Variants in NEB observed in about 807,000 individuals in gnomAD.
The protein encoded by NEB is nemaline myopathy type 2.
A neutral mutation model predicts 952.2 loss-of-function variants in NEB; 512 were observed. The observed-to-expected ratio is 0.54, with a 90% CI of 0.50 to 0.58. The LOEUF is 0.58. Ranked by LOEUF, NEB falls within the 20% of genes least tolerant of loss-of-function variation. The probability of loss-of-function intolerance (pLI) is 0.00; values close to 1 mark genes in which losing one functional copy is unlikely to be tolerated. For synonymous variants in NEB, 2,900 were observed against 3,149.8 expected (o/e 0.92, Z 2.66); for missense variants, 8,428 against 9,231.1 (o/e 0.91, Z 3.56).
chr2:151,563,597 T>C lies in NEB; in HGVS notation c.18693+9A>G. Reference sequence around the variant, plus strand: ...CACAAATCCCGTGTTAAAGTGGACATTTACTTACCGCACTCCTCATCTTTT... The same window carrying C: ...CACAAATCCCGTGTTAAAGTGGACACTTACTTACCGCACTCCTCATCTTTT... On this transcript the variant is annotated intron_variant, in intron 119 of 181. Coordinates refer to ENST00000397345, the MANE Select transcript of NEB (RefSeq NM_001164508.2). The C allele has an allele frequency of 2.5e-6, 4 of 1,607,612 alleles. No homozygotes were observed. Among genetic ancestry groups the C allele is most frequent in the Non-Finnish European group, 3.4e-6 (4 of 1,174,120 alleles).
chr2:151,690,940 T>C, intron 23 of NEB, 115 bp from the exon 24 acceptor site: 2 of 736,100 alleles, frequency 2.7e-6, no homozygotes, highest in Admixed American at 2.1e-5. Flanking sequence ...GAAAACTTAG[T>C]TGATGCGTTT....
rs367593747 is a variant in NEB, at chr2:151,697,552, T to A, written c.1249A>T (p.Ser417Cys). 1 of 1,612,548 alleles carries A rather than the reference T, an allele frequency of 6.2e-7. No homozygotes were observed. Among genetic ancestry groups the A allele is most frequent in the Non-Finnish European group, 8.5e-7 (1 of 1,179,356 alleles). Residue 417 changes from serine (S) to cysteine (C), a missense_variant, in exon 14 of 182, where the codon AGT becomes TGT. Transcript: ENST00000397345. ...ACAGTAGGATTGCTTACATCACTAC[T>A]GAAGTTCTGCAGAACAGTATCGAGC... is the stretch of plus-strand genomic sequence containing the variant. ...FKLDTVLQNF[S>C]SDKKYKDSYL...
chr2:151,617,663 A>C (rs760191580), intron 74 of NEB, among the ~76,000 whole-genome samples, 195 bp from the exon 75 acceptor site: 9 of 152,158 alleles, frequency 5.9e-5, no homozygotes, highest in Non-Finnish European at 1.2e-4. Flanking sequence ...CTTATCGGTT[A>C]TGAAAAGTAT....
chr2:151,507,559 G>A (rs1191649048), intron 162 of NEB, among the ~76,000 whole-genome samples: 2 of 152,158 alleles, frequency 1.3e-5, no homozygotes, highest in African/African-American at 2.4e-5. Flanking sequence ...AACAGCCATC[G>A]CTAAATCCCC....
rs1000813499 is a variant in NEB at position 151,499,020 on chromosome 2, T to G, written c.24114+278A>C. ...TTAAGCTTTAGGTTCAGATCAAATT[T>G]GCCAAAGCAGTATAAATGTGGATGC... On this transcript the variant is annotated intron_variant, in intron 169 of 181. Transcript: ENST00000397345. Among the ~76,000 whole-genome samples, 36 of 116,862 alleles carry G rather than the reference T, an allele frequency of 3.1e-4. 1 individual carries two copies. The highest frequency in any genetic ancestry group is 8.3e-4 in the Admixed American group (8 of 9,624). The allele number at this position is 116,862 out of a possible 152,430, so 76.7% of individuals were successfully genotyped here. A position where few individuals can be genotyped will look rare whatever the true frequency, so the allele number is the denominator to read the frequency against.
intron 160 of NEB, among the ~76,000 whole-genome samples, chr2:151,513,113 G>T (rs1047552894): frequency 6.6e-6 from 1 of 152,180 alleles, no homozygotes; most frequent in African/African-American, 2.4e-5. Flanking sequence ...GGCATGGATT[G>T]TTTACATACG....
At position 151,677,957 on chromosome 2, in the gene NEB, C is replaced by A; in HGVS notation, c.3486G>T (p.Lys1162Asn). Residue 1162 changes from lysine to asparagine, a missense_variant, in exon 33 of 182, where the codon AAG (lysine) becomes AAT (asparagine). Lys to Asn is a moderately conservative substitution (Grantham distance 94, BLOSUM62 0). Transcript: ENST00000397345. ...AGTAGGTGTAATGATGGAGAGAATG[C>A]TTATAGTTGACATTGCTGACCACAT... is the stretch of plus-strand genomic sequence containing the variant. ...AQDVVSNVNY[K>N]HSLHHYTYLP... The A allele has an allele frequency of 1.9e-6, 3 of 1,613,862 alleles. No individual in the cohort carries two copies. Among genetic ancestry groups the A allele is most frequent in the Non-Finnish European group, 2.5e-6 (3 of 1,179,788 alleles).
chr2:151,708,721 G>C (rs750480211), intron 12 of NEB, among the ~76,000 whole-genome samples: 18 of 152,230 alleles, frequency 1.2e-4, no homozygotes, highest in Non-Finnish European at 2.2e-4. Context: ...TGTCTAAAAG[G>C]CATCTCAAAT....
At position 151,490,043 on chromosome 2, in the gene NEB, T is replaced by C. The variant is rs748525509; in HGVS notation, c.25332A>G (p.Gln8444=). 6 of 1,612,984 alleles carry C rather than the reference T, an allele frequency of 3.7e-6. No homozygotes were observed. The highest frequency in any genetic ancestry group is 3.3e-4 in the Middle Eastern group (2 of 6,078). Residue 8444 remains glutamine (Q), a synonymous_variant, in exon 181 of 182, where the codon CAA becomes CAG. Coordinates refer to ENST00000397345, the MANE Select transcript of NEB (RefSeq NM_001164508.2). ...GGGTAGCAACTGAAGATGATCGTTG[T>C]TGTGGGAGCTCTGTGGTTTTTGCAT... ...YKHAKTTELP[Q]QRSSSVATQQ...
At chr2:151,677,122 A>G (rs12693088) in intron 34 of NEB, among the ~76,000 whole-genome samples, 12,798 of 152,252 alleles carry the variant, frequency 0.084, 814 homozygotes, top group African/African-American at 0.17. Flanking sequence ...GAGCAAAAAC[A>G]TATATTCATA....
chr2:151,568,686 TGA>T lies in NEB; in HGVS notation c.17564_17565del (p.Leu5855GlnfsTer7), dbSNP rs763828464. On this transcript the variant is annotated frameshift_variant, in exon 111 of 182. Transcript: ENST00000397345. LOFTEE classifies it high-confidence loss of function. ...ACTCTGTCATCCACAGGCGTAAAGT[TGA>T]GAGTTTCTATTTTTGTGCGATATTT... The part of the protein sequence containing the change: ...EKKYRTKIET[L>X]NFTPVDDRVD... 1.2e-6 allele frequency: 2 copies of T among 1,605,912 alleles called. No individual in the cohort carries two copies. The highest frequency in any genetic ancestry group is 8.5e-7 in the Non-Finnish European group (1 of 1,175,990).
At chr2:151,560,818 C>A (rs148465926) in intron 123 of NEB, 119 bp from the exon 124 acceptor site, 8,187 of 801,062 alleles carry the variant, frequency 0.01, 64 homozygotes, top group Non-Finnish European at 0.014. Flanking sequence ...TCCCAGGACT[C>A]CTCTTTAAGG....
intron 171 of NEB, 180 bp downstream of exon 171, chr2:151,497,446 T>A (rs2060994058): frequency 2.0e-6 from 2 of 981,718 alleles, no homozygotes; most frequent in Non-Finnish European, 2.4e-6. Flanking sequence ...TTAACTGTAT[T>A]ATAGAAATGG....
At position 151,567,401 on chromosome 2, in the gene NEB, C is replaced by A; in HGVS notation, c.17923G>T (p.Val5975Phe). 1 of 1,613,768 alleles carries A rather than the reference C, an allele frequency of 6.2e-7. No individual in the cohort carries two copies. The highest frequency in any genetic ancestry group is 8.5e-7 in the Non-Finnish European group (1 of 1,179,794). Residue 5975 changes from valine (V) to phenylalanine (F), a missense_variant, in exon 114 of 182, where the codon GTT becomes TTT. Val to Phe is a conservative substitution (Grantham distance 50, BLOSUM62 -1). Transcript: ENST00000397345. ...VPTMRDDPKL[V>F]WFEHAGQIQN... ...ATCTGGCCTGCATGCTCAAACCAAA[C>A]CAGCTTAGGATCATCTCTCATCGTC...
intron 151 of NEB, 45 bp from the exon 152 acceptor site, chr2:151,524,661 T>G: frequency 7.7e-7 from 1 of 1,301,054 alleles, no homozygotes; most frequent in Non-Finnish European, 1.1e-6. Flanking sequence ...AGGCTTTTTT[T>G]TTTTTTTTTT....
chr2:151,659,174 G>GA lies in NEB; in HGVS notation c.5971-6dup, dbSNP rs551520922. The GA allele has an allele frequency of 9.2e-5, 145 of 1,578,504 alleles. No homozygotes were observed. Among genetic ancestry groups the GA allele is most frequent in the Middle Eastern group, 6.7e-4 (4 of 5,972 alleles). The stretch of plus-strand genomic sequence containing the variant: ...CCATGCTTGTTTGTAGAGATGCTAG[G>GA]AAAAAAACAGTGTAAATTAGTGTTT... On this transcript the variant is annotated splice_region_variant and splice_polypyrimidine_tract_variant and intron_variant, in intron 46 of 181. Transcript: ENST00000397345.
rs149916975 is a variant in NEB, at chr2:151,658,124, T to C, written c.6076-34A>G. The C allele has an allele frequency of 2.2e-4, 318 of 1,425,846 alleles. No homozygotes were observed. In the African/African-American group the frequency reaches 4.3e-3, roughly 19 times the overall value. 88.3% of individuals were successfully genotyped at this position (1,425,846 alleles called of 1,614,324 possible). On this transcript the variant is annotated intron_variant, in intron 47 of 181. Coordinates refer to ENST00000397345, the MANE Select transcript of NEB (RefSeq NM_001164508.2). Reference sequence around the variant, plus strand: ...AGAGGCAAAGGGAAGAGTTTTCTTCTAAATATGAAAGCCTGGATTTATTTT... The same window carrying C: ...AGAGGCAAAGGGAAGAGTTTTCTTCCAAATATGAAAGCCTGGATTTATTTT...
chr2:151,528,703 C>T (rs16830159), intron 146 of NEB, among the ~76,000 whole-genome samples: 36,094 of 152,096 alleles, frequency 0.24, 4,881 homozygotes, highest in Admixed American at 0.36. Flanking sequence ...TCTAAATGCA[C>T]AAAATTATTT....
Position 151,493,426 on chromosome 2 carries a change from A to C in NEB, c.24692T>G (p.Met8231Arg), listed in dbSNP as rs761657388. Residue 8231 changes from methionine to arginine, a missense_variant, in exon 176 of 182, where the codon ATG (methionine) becomes AGG (arginine). Around this residue, in one of 11 missense-constraint regions of NEB, gnomAD observed 3,374 missense variants for 3,651.5 expected, o/e 0.92. Coordinates refer to ENST00000397345, the MANE Select transcript of NEB (RefSeq NM_001164508.2). ...NFSSVLYKEN[M>R]RKATPTPVTP... is the part of the protein sequence containing the mutation. ...AACAGGTGTCGGAGTTGCTTTTCTC[A>C]TGTTCTCTTTGTACAATACCTAGGG... is the stretch of plus-strand genomic sequence containing the variant. 6.2e-7 allele frequency: 1 copy of C among 1,605,464 alleles called. No homozygotes were observed. Among genetic ancestry groups the C allele is most frequent in the South Asian group, 1.1e-5 (1 of 88,474 alleles).
Sources: gnomAD v4.1 joint callset for allele counts (sites outside exome capture counted in the v4.1 genomes callset) on GRCh38, gnomAD v4.1.1 for gene constraint, gnomAD v4.1.1 regional missense constraint, MANE v1.5 for transcripts, NCBI Gene and HGNC (gene_info 2026-07-23, HGNC 2026-07-21) for gene names.